Variants in TATDN1 observed in about 807,000 individuals in gnomAD.
TATDN1 encodes TatD DNase domain containing 1, also known as deoxyribonuclease TATDN1.
TATDN1 carries 40 observed loss-of-function variants against 46.4 expected under a neutral mutation model. The ratio of observed to expected loss-of-function variants is 0.86; its 90% CI spans 0.67 to 1.12. The LOEUF is 1.12. Ranked by LOEUF, TATDN1 falls within the 50% of genes most tolerant of loss-of-function variation. The pLI is 0.00. For synonymous variants in TATDN1, 95 were observed against 105.6 expected (o/e 0.90, Z 0.62); for missense variants, 326 against 348.4 (o/e 0.94, Z 0.51).
At chr8:124,526,097 A>G (rs1820472943) in intron 1 of TATDN1, among the ~76,000 whole-genome samples, 1 of 152,202 alleles carries the variant, frequency 6.6e-6, no homozygotes, top group African/African-American at 2.4e-5. Flanking sequence ...TAGTTCAACA[A>G]TACATAGCCA....
At chr8:124,532,178 T>C (rs998556970) in intron 1 of TATDN1, among the ~76,000 whole-genome samples, 1 of 152,126 alleles carries the variant, frequency 6.6e-6, no homozygotes, top group Non-Finnish European at 1.5e-5. Flanking sequence ...ATCCACTAGG[T>C]GGTTGCCTTC....
intron 1 of TATDN1, 163 bp from the exon 2 acceptor site, chr8:124,523,165 C>A: frequency 1.6e-6 from 1 of 613,130 alleles, no homozygotes; most frequent in South Asian, 2.0e-5. Context: ...ACATGGGATA[C>A]AAAGATGAAT....
Position 124,503,168 on chromosome 8 carries a change from T to C in TATDN1, c.593+1103A>G, listed in dbSNP as rs557684313. Among the ~76,000 whole-genome samples the C allele has an allele frequency of 2.6e-5, 4 of 152,134 alleles. No individual in the cohort carries two copies. In the East Asian group the frequency reaches 5.8e-4, roughly 22 times the overall value. On this transcript the variant is annotated intron_variant, in intron 9 of 11. Coordinates refer to ENST00000276692, the MANE Select transcript of TATDN1 (RefSeq NM_032026.4). ...AACCAAAAATTCTGAAATAACGACA[T>C]TGAGAGTGATATGCAGAGAATGGAG...
intron 1 of TATDN1, among the ~76,000 whole-genome samples, chr8:124,534,935 C>T (rs1821300404): frequency 6.6e-6 from 1 of 152,170 alleles, no homozygotes; most frequent in Non-Finnish European, 1.5e-5. Context: ...TAAAAAGATG[C>T]CATTCAAAAA....
intron 6 of TATDN1, among the ~76,000 whole-genome samples, chr8:124,511,398 C>T (rs1192590169): frequency 1.3e-5 from 2 of 152,130 alleles, no homozygotes; most frequent in African/African-American, 4.8e-5. Context: ...CTCTAGGGTC[C>T]CCTAAATCCC....
chr8:124,517,425 C>CA (rs540696612), intron 4 of TATDN1, among the ~76,000 whole-genome samples: 710 of 66,766 alleles, frequency 0.011, 5 homozygotes, highest in African/African-American at 0.028. Context: ...AAGACTGTCT[C>CA]AAAAAAAAAA....
intron 11 of TATDN1, chr8:124,490,117 TG>T (rs1181916687): frequency 6.6e-6 from 1 of 152,238 alleles, no homozygotes; most frequent in Admixed American, 6.5e-5. Context: ...TTCTCAGAAT[TG>T]GAACTCTTGA....
intron 3 of TATDN1, among the ~76,000 whole-genome samples, chr8:124,520,420 G>A (rs1819929912): frequency 6.6e-6 from 1 of 150,468 alleles, no homozygotes; most frequent in Non-Finnish European, 1.5e-5. Flanking sequence ...CTGGGGGACA[G>A]AGCGAGACTC....
At chr8:124,488,756 TATATA>T (rs1227968897) in intron 11 of TATDN1, 60 bp from the exon 12 acceptor site, 2 of 987,546 alleles carry the variant, frequency 2.0e-6, no homozygotes, top group African/African-American at 1.6e-5. Context: ...GTTCTAAAGC[TATATA>T]ATATTTTTCC....
chr8:124,525,055 G>T (rs1820366803), intron 1 of TATDN1, among the ~76,000 whole-genome samples: 1 of 152,298 alleles, frequency 6.6e-6, no homozygotes, highest in Non-Finnish European at 1.5e-5. Context: ...CAAGTGCAGT[G>T]AGAAGCACTT....
At chr8:124,522,764 A>G (rs913872016) in intron 2 of TATDN1, among the ~76,000 whole-genome samples, 173 bp downstream of exon 2, 2 of 152,186 alleles carry the variant, frequency 1.3e-5, no homozygotes, top group African/African-American at 4.8e-5. Context: ...TATGTTGCCC[A>G]GGCTGCTCTT....
intron 6 of TATDN1, among the ~76,000 whole-genome samples, chr8:124,513,779 G>A (rs550043469): frequency 1.3e-5 from 2 of 152,322 alleles, no homozygotes; most frequent in East Asian, 3.9e-4. Context: ...GCCCTTGCTT[G>A]TCATAACACA....
chr8:124,522,843 C>T (rs1212149894), intron 2 of TATDN1, 94 bp downstream of exon 2: 1 of 1,100,590 alleles, frequency 9.1e-7, no homozygotes, highest in Non-Finnish European at 1.4e-6. Context: ...GTGTGAGCCA[C>T]AAGACTCAGC....
At chr8:124,507,512 T>C (rs1400405375) in intron 8 of TATDN1, among the ~76,000 whole-genome samples, 1 of 152,180 alleles carries the variant, frequency 6.6e-6, no homozygotes, top group African/African-American at 2.4e-5. Flanking sequence ...CCAGGCACAG[T>C]GGCTCACACC....
intron 6 of TATDN1, among the ~76,000 whole-genome samples, chr8:124,512,939 G>A (rs1819154710): frequency 6.6e-6 from 1 of 151,830 alleles, no homozygotes; most frequent in South Asian, 2.1e-4. Context: ...CTTTTGAGCG[G>A]AATCTTTCTC....
chr8:124,502,012 T>C (rs1818007002), intron 9 of TATDN1, among the ~76,000 whole-genome samples: 1 of 152,198 alleles, frequency 6.6e-6, no homozygotes, highest in African/African-American at 2.4e-5. Context: ...TGATTTCTGA[T>C]CTTGAATTTT....
intron 1 of TATDN1, among the ~76,000 whole-genome samples, chr8:124,537,232 G>C (rs1821518024): frequency 6.6e-6 from 1 of 152,068 alleles, no homozygotes; most frequent in Non-Finnish European, 1.5e-5. Context: ...ACCAGTATCT[G>C]CCTTAAGAGT....
At chr8:124,514,635 T>C (rs1222778520) in intron 6 of TATDN1, among the ~76,000 whole-genome samples, 10 of 152,230 alleles carry the variant, frequency 6.6e-5, no homozygotes, top group African/African-American at 2.4e-4. Flanking sequence ...TAATGTTTTA[T>C]CATTTTCATA....
chr8:124,520,399 TGC>T (rs1217213541), intron 3 of TATDN1, among the ~76,000 whole-genome samples: 1 of 149,930 alleles, frequency 6.7e-6, no homozygotes, highest in Non-Finnish European at 1.5e-5. Flanking sequence ...ATCGTGCCAC[TGC>T]ACTCCAGCCT....
Sources: allele counts gnomAD v4.1 joint callset (sites outside exome capture counted in the v4.1 genomes callset), GRCh38; gene constraint gnomAD v4.1.1; transcripts MANE v1.5; gene names NCBI Gene and HGNC (gene_info 2026-07-23, HGNC 2026-07-21).